WNK1: variants seen among roughly 807,000 people sequenced by gnomAD.
WNK1 encodes the protein serine/threonine-protein kinase WNK1.
WNK1 carries 38 observed loss-of-function variants against 222.8 expected under a neutral mutation model. That is an observed-to-expected ratio of 0.17 (90% CI 0.13 to 0.22). The LOEUF (loss-of-function observed/expected upper bound fraction) is 0.22. WNK1 is among the 10% of genes least tolerant of loss of function. The probability of loss-of-function intolerance (pLI) is 1.00; values close to 1 mark genes in which losing one functional copy is unlikely to be tolerated. For missense variants in WNK1, 2,348 were observed against 2,918.4 expected (o/e 0.80, Z 4.50); for synonymous variants, 1,090 against 1,092.9 (o/e 1.00, Z 0.05).
intron 4 of WNK1, among the ~76,000 whole-genome samples, chr12:843,795 T>C (rs1417165470): frequency 6.6e-6 from 1 of 152,202 alleles, no homozygotes. Context: ...GTGTAAAATT[T>C]TGGCCCCATT....
At chr12:769,344 G>A (rs929104487) in intron 1 of WNK1, among the ~76,000 whole-genome samples, 3 of 151,864 alleles carry the variant, frequency 2.0e-5, no homozygotes, top group African/African-American at 4.8e-5. Context: ...GATTACAGGC[G>A]CATGCCACCA....
At chr12:831,765 A>G (rs1427355503) in intron 4 of WNK1, among the ~76,000 whole-genome samples, 1 of 152,120 alleles carries the variant, frequency 6.6e-6, no homozygotes, top group Middle Eastern at 3.2e-3. Context: ...TAATAGATGT[A>G]ACACACATAG....
chr12:758,373 C>CTTTTTTTTTTTTTTTTTTTTTTTTTT, intron 1 of WNK1, among the ~76,000 whole-genome samples: 1 of 64,720 alleles, frequency 1.5e-5, no homozygotes, highest in Non-Finnish European at 2.7e-5. Context: ...TGCTATAGTT[C>CTTTTTTTTTTTTTTTTTTTTTTTTTT]TTTTTTTTTT....
At chr12:783,009 T>A (rs1213957391) in intron 1 of WNK1, among the ~76,000 whole-genome samples, 1 of 151,634 alleles carries the variant, frequency 6.6e-6, no homozygotes, top group East Asian at 1.9e-4. Context: ...GCTTAAGCGA[T>A]CCTCCAGCCT....
chr12:903,142 A>G (rs11837084), intron 26 of WNK1, among the ~76,000 whole-genome samples: 5,547 of 152,254 alleles, frequency 0.036, 344 homozygotes, highest in African/African-American at 0.12. Context: ...TTTTACCTGC[A>G]TTAGAAATGG....
intron 2 of WNK1, among the ~76,000 whole-genome samples, chr12:818,879 T>G (rs1233151587): frequency 6.6e-6 from 1 of 152,236 alleles, no homozygotes; most frequent in Non-Finnish European, 1.5e-5. Flanking sequence ...TTGATGAACA[T>G]TTGGGCTGTA....
chr12:834,430 AAG>A lies in WNK1; in HGVS notation c.1311+4280_1311+4281del, dbSNP rs894579874. ...ATAGGCTTTTGGAAGGAGCAAGAGG[AAG>A]AGAGAGAGAAGTAGAAATCATGGTG... On this transcript the variant is annotated intron_variant, in intron 4 of 27. Coordinates refer to ENST00000315939, the MANE Select transcript of WNK1 (RefSeq NM_018979.4). Among the ~76,000 whole-genome samples, 19 of 152,236 alleles carry A rather than the reference AAG, an allele frequency of 1.2e-4. No individual in the cohort carries two copies. In the South Asian group the frequency reaches 3.1e-3, roughly 25 times the overall value.
intron 19 of WNK1, among the ~76,000 whole-genome samples, 183 bp from the exon 20 acceptor site, chr12:887,038 A>G (rs941452468): frequency 6.6e-6 from 1 of 152,222 alleles, no homozygotes; most frequent in African/African-American, 2.4e-5. Flanking sequence ...CTATAATAAC[A>G]ACATTAGTTG....
At position 854,638 on chromosome 12, in the gene WNK1, A is replaced by G. The variant is rs1013995263; in HGVS notation, c.1312-2523A>G. ...GCTGGGATTATAGGTGTGAGCCACC[A>G]TGCCTGGCCAAGAACTTATCTTTAC... On this transcript the variant is annotated intron_variant, in intron 4 of 27. Coordinates refer to ENST00000315939, the MANE Select transcript of WNK1 (RefSeq NM_018979.4). 3.9e-4 allele frequency among the ~76,000 whole-genome samples: 60 copies of G among 152,208 alleles called. 1 individual carries two copies. The highest frequency in any genetic ancestry group is 1.4e-3 in the African/African-American group (58 of 41,566).
At chr12:792,828 A>AT (rs930643771) in intron 1 of WNK1, among the ~76,000 whole-genome samples, 29 of 152,220 alleles carry the variant, frequency 1.9e-4, no homozygotes, top group African/African-American at 2.4e-4. Flanking sequence ...CATTAAAAAA[A>AT]ATATATATAA....
intron 19 of WNK1, 63 bp from the exon 20 acceptor site, chr12:887,158 C>T (rs1165770384): frequency 7.0e-7 from 1 of 1,419,328 alleles, no homozygotes; most frequent in East Asian, 2.3e-5. Flanking sequence ...TTGATTTGCT[C>T]TTCAGTACGC....
chr12:908,861 G>GGGGGGGGGGGGGGGGCCA lies in WNK1; in HGVS notation c.*69_*70insGGGGGGGGGGGGGGGCCA. ...ATGCTGAGGGGGTGGGTGGGGGTGG[G>GGGGGGGGGGGGGGGGCCA]AAGTAGCCTATATACTAACTACTAG... On this transcript the variant is annotated 3_prime_UTR_variant, in exon 28 of 28. Transcript: ENST00000315939. 5 of 491,846 alleles carry GGGGGGGGGGGGGGGGCCA rather than the reference G, an allele frequency of 1.0e-5. No individual in the cohort carries two copies. Among genetic ancestry groups the GGGGGGGGGGGGGGGGCCA allele is most frequent in the East Asian group, 6.0e-5 (1 of 16,748 alleles). The allele number at this position is 491,846 out of a possible 1,614,324, so 30.5% of individuals were successfully genotyped here.
intron 8 of WNK1, among the ~76,000 whole-genome samples, chr12:866,568 G>T (rs1447214832): frequency 6.6e-6 from 1 of 152,016 alleles, no homozygotes; most frequent in South Asian, 2.1e-4. Flanking sequence ...ACCATGTTTG[G>T]CCAGGATGGT....
intron 16 of WNK1, 67 bp from the exon 17 acceptor site, chr12:883,707 C>T: frequency 6.3e-7 from 1 of 1,598,612 alleles, no homozygotes; most frequent in Admixed American, 1.7e-5. Flanking sequence ...TCACATGTGG[C>T]AGTTTGCTTT....
rs762143634 is a variant in WNK1 at position 879,910 on chromosome 12, C to T, written c.2711C>T (p.Thr904Ile). 6.2e-6 allele frequency: 10 copies of T among 1,614,074 alleles called. No homozygotes were observed. The South Asian group carries it at 1.1e-4, about 18-fold the overall frequency. Residue 904 changes from threonine (T) to isoleucine (I), a missense_variant, in exon 11 of 28, where the codon ACT (threonine) becomes ATT (isoleucine). Around this residue, in one of 13 missense-constraint regions of WNK1, gnomAD observed 547 missense variants for 558.3 expected, o/e 0.98. Coordinates refer to ENST00000315939, the MANE Select transcript of WNK1 (RefSeq NM_018979.4). ...SQLPTLLQPV[T>I]QLPSQVHPQL... ...CTTCCAACCCTTCTGCAGCCTGTGA[C>T]TCAGCTGCCAAGTCAGGTTCACCCA...
chr12:866,490 G>A (rs1255979801), intron 8 of WNK1, among the ~76,000 whole-genome samples: 1 of 152,126 alleles, frequency 6.6e-6, no homozygotes. Flanking sequence ...AGCCTCCCGA[G>A]TAGCTAGGAC....
intron 10 of WNK1, 104 bp from the exon 11 acceptor site, chr12:879,469 C>CTTTTTTTTT: frequency 3.5e-6 from 2 of 564,208 alleles, no homozygotes; most frequent in Non-Finnish European, 5.3e-6. Context: ...TTTGTTTTTT[C>CTTTTTTTTT]CTTCTTTTTG....
Position 850,145 on chromosome 12 carries a change from T to C in WNK1, c.1312-7016T>C, listed in dbSNP as rs1188855840. Reference sequence around the variant, plus strand: ...CTAGATCCCTGAGGAATCGCCACACTGACTTCCACAATGGTTGAACTAGTT... The same window carrying C: ...CTAGATCCCTGAGGAATCGCCACACCGACTTCCACAATGGTTGAACTAGTT... On this transcript the variant is annotated intron_variant, in intron 4 of 27. Coordinates refer to ENST00000315939, the MANE Select transcript of WNK1 (RefSeq NM_018979.4). 3.3e-5 allele frequency among the ~76,000 whole-genome samples: 5 copies of C among 152,356 alleles called. No homozygotes were observed. The East Asian group carries it at 9.6e-4, about 29-fold the overall frequency.
rs1299113005 is a variant in WNK1 at position 878,312 on chromosome 12, G to A, written c.2324G>A (p.Ser775Asn). The A allele has an allele frequency of 6.2e-7, 1 of 1,613,586 alleles. No homozygotes were observed. Among genetic ancestry groups the A allele is most frequent in the Non-Finnish European group, 8.5e-7 (1 of 1,179,856 alleles). Reference sequence around the variant, plus strand: ...GAGGCCACTACTGCACAGCCAGTGAGTCAGCCTCAAGCTCCACAAGTCTTG... The same window carrying A: ...GAGGCCACTACTGCACAGCCAGTGAATCAGCCTCAAGCTCCACAAGTCTTG... ...SSEATTAQPV[S>N]QPQAPQVLPQ... The change falls in exon 10 of 28, where the codon AGT becomes AAT. Residue 775 changes from serine (S) to asparagine (N), a missense_variant. Physicochemically the swap from Ser to Asn is conservative, Grantham distance 46. This residue lies in a region of WNK1 where 547 missense variants were observed against 558.3 expected (regional missense o/e 0.98). Coordinates refer to ENST00000315939, the MANE Select transcript of WNK1 (RefSeq NM_018979.4).
Sources: gnomAD v4.1 joint callset for allele counts (sites outside exome capture counted in the v4.1 genomes callset) on GRCh38, gnomAD v4.1.1 for gene constraint, gnomAD v4.1.1 regional missense constraint, MANE v1.5 for transcripts, NCBI Gene and HGNC (gene_info 2026-07-23, HGNC 2026-07-21) for gene names.